RFLNA: variants seen among roughly 807,000 people sequenced by gnomAD.
The protein encoded by RFLNA is refilin A.
A neutral mutation model predicts 7.8 loss-of-function variants in RFLNA; 5 were observed. That is an observed-to-expected ratio of 0.64 (90% confidence interval 0.34 to 1.35). The LOEUF is 1.35. RFLNA is among the 40% of genes most tolerant of loss of function. The pLI, the probability that RFLNA is intolerant of heterozygous loss-of-function variation, is 0.04. For synonymous variants in RFLNA, 141 were observed against 131.3 expected, an observed-to-expected ratio of 1.07 and a Z score of -0.50; for missense variants, 278 against 305.5, an observed-to-expected ratio of 0.91 and a Z score of 0.67.
rs2135678794 is a variant in RFLNA at position 124,300,800 on chromosome 12, ATGGATGGATGGATGGACAGAAGAATGGG to A, written c.207+5209_207+5236del. Among the ~76,000 whole-genome samples the A allele has an allele frequency of 2.0e-5, 3 of 149,928 alleles. 1 individual carries two copies. The highest frequency in any genetic ancestry group is 4.2e-4 in the South Asian group (2 of 4,748). On this transcript the variant is annotated intron_variant, in intron 1 of 2. Transcript: ENST00000546355. ...GACGGATGGATGGATGGATGGATGG[ATGGATGGATGGATGGACAGAAGAATGGG>A]TGGATGGATGGATGGACAGAAGAAT... is the stretch of plus-strand genomic sequence containing the variant.
Position 124,314,569 on chromosome 12 carries a change from TG to T in RFLNA, c.*48del. On this transcript the variant is annotated 3_prime_UTR_variant, in exon 3 of 3. Coordinates refer to ENST00000546355, the MANE Select transcript of RFLNA (RefSeq NM_001365156.1). ...GGGGTGCTGGAGGAGCCGGGAGCCC[TG>T]GGGAGAAGCCGGGAGGATGGACACG... The T allele has an allele frequency of 6.5e-7, 1 of 1,533,916 alleles. No individual in the cohort carries two copies. Among genetic ancestry groups the T allele is most frequent in the South Asian group, 1.2e-5 (1 of 85,316 alleles).
rs1371894879 is a variant in RFLNA, at chr12:124,306,365, T to G, written c.208-5453T>G. Among the ~76,000 whole-genome samples, 1 of 152,026 alleles carries G rather than the reference T, an allele frequency of 6.6e-6. No homozygotes were observed. The highest frequency in any genetic ancestry group is 1.5e-5 in the Non-Finnish European group (1 of 68,004). Reference sequence around the variant, plus strand: ...ACCAGCCCAAGCGAGAAGCAGCCAGTGCAGCAGGGAACAGCGGGAACACCG... The same window carrying G: ...ACCAGCCCAAGCGAGAAGCAGCCAGGGCAGCAGGGAACAGCGGGAACACCG... On this transcript the variant is annotated intron_variant, in intron 1 of 2. Coordinates refer to ENST00000546355, the MANE Select transcript of RFLNA (RefSeq NM_001365156.1). This position sits in a 1 kb window ranked among gnomAD's most constrained non-coding sequence, Gnocchi z 5.2.
chr12:124,308,652 C>T (rs892054037), intron 1 of RFLNA, among the ~76,000 whole-genome samples: 24 of 152,260 alleles, frequency 1.6e-4, no homozygotes, highest in Non-Finnish European at 2.8e-4. Context: ...ACCCCAGGTA[C>T]CTCCATCTCT....
rs2033893314 is a variant in RFLNA at position 124,295,581 on chromosome 12, G to C, written c.152G>C (p.Arg51Pro). 1.4e-5 allele frequency: 17 copies of C among 1,207,168 alleles called. No homozygotes were observed. The highest frequency in any genetic ancestry group is 2.1e-6 in the Non-Finnish European group (2 of 974,356). 74.8% of individuals were successfully genotyped at this position (1,207,168 alleles called of 1,614,324 possible). A position where few individuals can be genotyped will look rare whatever the true frequency, so the allele number is the denominator to read the frequency against. The change falls in exon 1 of 3, where the codon CGC becomes CCC. Residue 51 changes from arginine to proline, a missense_variant. By Grantham distance (103) the Arg-to-Pro change is moderately radical. Coordinates refer to ENST00000546355, the MANE Select transcript of RFLNA (RefSeq NM_001365156.1). ...YSLAPGILDARAGGAGASSEP... is the reference protein window; with the variant it reads ...YSLAPGILDAPAGGAGASSEP... ...CTGGCGCCCGGCATCCTCGACGCGC[G>C]CGCGGGGGGCGCCGGCGCCTCCTCG...
chr12:124,296,176 C>CTT lies in RFLNA; in HGVS notation c.207+541_207+542dup, dbSNP rs1248177040. Among the ~76,000 whole-genome samples, 2 of 4,610 alleles carry CTT rather than the reference C, an allele frequency of 4.3e-4. 1 individual carries two copies. The highest frequency in any genetic ancestry group is 1.2e-3 in the African/African-American group (2 of 1,606). The allele number at this position is 4,610 out of a possible 152,430, so 3.0% of individuals were successfully genotyped here. On this transcript the variant is annotated intron_variant, in intron 1 of 2. Transcript: ENST00000546355. ...CTTCTCTTCTCTTCTCTTCTCTTCT[C>CTT]TTCTCTTCTTTTCTTTTCTTTTCTT...
chr12:124,291,675 A>G (rs141668601), upstream of RFLNA, among the ~76,000 whole-genome samples: 928 of 152,068 alleles, frequency 6.1e-3, 8 homozygotes, highest in African/African-American at 0.022. Context: ...CCTTCCTTCA[A>G]TGCTGCTTGG....
At chr12:124,314,001 C>G (rs1049801921) in intron 2 of RFLNA, among the ~76,000 whole-genome samples, 191 bp from the exon 3 acceptor site, 1 of 152,156 alleles carries the variant, frequency 6.6e-6, no homozygotes, top group African/African-American at 2.4e-5. Flanking sequence ...TGTCTCGCCT[C>G]TTTAGTCTCT....
intron 1 of RFLNA, 34 bp from the exon 2 acceptor site, chr12:124,311,784 C>T: frequency 1.3e-6 from 2 of 1,509,790 alleles, no homozygotes; most frequent in Non-Finnish European, 1.8e-6. Flanking sequence ...CAACAAGGGG[C>T]TGCATAACCC....
intron 2 of RFLNA, among the ~76,000 whole-genome samples, chr12:124,313,369 T>C (rs1401126101): frequency 1.3e-5 from 2 of 152,202 alleles, no homozygotes; most frequent in Non-Finnish European, 2.9e-5. Flanking sequence ...CGTATTTTGA[T>C]ATAATTTCAA....
At position 124,314,480 on chromosome 12, in the gene RFLNA, T is replaced by C; in HGVS notation, c.606T>C (p.Leu202=). The stretch of plus-strand genomic sequence containing the variant: ...TCACCGCCAGCGTGCAGCTGCAGCT[T>C]TGCCAGGACCCTGCCCCCAGCCTCC... ...RWFTASVQLQ[L]CQDPAPSLLG... is the part of the protein sequence containing the mutation. Residue 202 remains leucine (L), a synonymous_variant, in exon 3 of 3, where the codon CTT becomes CTC. Coordinates refer to ENST00000546355, the MANE Select transcript of RFLNA (RefSeq NM_001365156.1). The C allele has an allele frequency of 6.3e-7, 1 of 1,597,518 alleles. No homozygotes were observed. The highest frequency in any genetic ancestry group is 1.1e-5 in the South Asian group (1 of 90,910).
In RFLNA at chr12:124,311,911, C is replaced by T. The variant is rs2135693588; in HGVS notation, c.301C>T (p.Pro101Ser). The T allele has an allele frequency of 6.3e-7, 1 of 1,590,602 alleles. No homozygotes were observed. Among genetic ancestry groups the T allele is most frequent in the Non-Finnish European group, 8.5e-7 (1 of 1,169,654 alleles). ...GGAGAGCATCAAGGTGAACCCGGAACCCACGCATGAGATCCGGTGAGTGGG... is the reference window on the plus strand; with the variant it reads ...GGAGAGCATCAAGGTGAACCCGGAATCCACGCATGAGATCCGGTGAGTGGG... ...FGESIKVNPE[P>S]THEIRCNSEV... is the part of the protein sequence containing the mutation. Residue 101 changes from proline (P) to serine (S), a missense_variant, in exon 2 of 3, where the codon CCC (proline) becomes TCC (serine). Transcript: ENST00000546355.
chr12:124,311,701 C>A, intron 1 of RFLNA, 117 bp from the exon 2 acceptor site: 1 of 990,080 alleles, frequency 1.0e-6, no homozygotes, highest in Non-Finnish European at 1.4e-6. Context: ...CCCCACCAAG[C>A]AGCTTCCAGA....
chr12:124,301,953 G>T lies in RFLNA; in HGVS notation c.207+6317G>T, dbSNP rs549207337. 7.9e-5 allele frequency among the ~76,000 whole-genome samples: 12 copies of T among 152,208 alleles called. No individual in the cohort carries two copies. The South Asian group carries it at 2.5e-3, about 32-fold the overall frequency. On this transcript the variant is annotated intron_variant, in intron 1 of 2. Transcript: ENST00000546355. ...CCAAGAAGTCTGAAATCGAGCTGAC[G>T]GCGGGGGCACGCTCCTCTGGAGGCT...
rs561714807 is a variant in RFLNA, at chr12:124,296,782, C to T, written c.207+1146C>T. Reference sequence around the variant, plus strand: ...AGAATCTTTAAAACCCACCCACACTCACCGCCCAGATAGTCTCACTGAATT... The same window carrying T: ...AGAATCTTTAAAACCCACCCACACTTACCGCCCAGATAGTCTCACTGAATT... On this transcript the variant is annotated intron_variant, in intron 1 of 2. Coordinates refer to ENST00000546355, the MANE Select transcript of RFLNA (RefSeq NM_001365156.1). Among the ~76,000 whole-genome samples, 3 of 152,342 alleles carry T rather than the reference C, an allele frequency of 2.0e-5. No individual in the cohort carries two copies. In the East Asian group the frequency reaches 5.8e-4, roughly 29 times the overall value.
upstream of RFLNA, among the ~76,000 whole-genome samples, chr12:124,293,781 T>C (rs964573442): frequency 3.9e-5 from 6 of 152,314 alleles, no homozygotes; most frequent in South Asian, 8.3e-4. Context: ...GTGTCCGGCA[T>C]GCACCTTACT....
At chr12:124,303,008 C>T (rs1244335841) in intron 1 of RFLNA, among the ~76,000 whole-genome samples, 1 of 152,200 alleles carries the variant, frequency 6.6e-6, no homozygotes, top group Non-Finnish European at 1.5e-5. Context: ...GGTACCTCCT[C>T]CTGCCTCCCA....
upstream of RFLNA, among the ~76,000 whole-genome samples, chr12:124,294,589 C>T (rs554642255): frequency 3.7e-5 from 2 of 53,994 alleles, no homozygotes; most frequent in Non-Finnish European, 3.7e-5. Context: ...AAGTGCTGCT[C>T]ATCGCCCCCG....
rs201006774 is a variant in RFLNA at position 124,309,400 on chromosome 12, CCT to C, written c.208-2415_208-2414del. ...GCAAGCTGCGACGAGGCCAGGAGAG[CCT>C]CTGTTTGCCACCATGGCAGCAGTAC... is the stretch of plus-strand genomic sequence containing the variant. On this transcript the variant is annotated intron_variant, in intron 1 of 2. Coordinates refer to ENST00000546355, the MANE Select transcript of RFLNA (RefSeq NM_001365156.1). 2.7e-3 allele frequency among the ~76,000 whole-genome samples: 405 copies of C among 152,338 alleles called. 4 individuals carry two copies. The highest frequency in any genetic ancestry group is 0.018 in the South Asian group (87 of 4,834).
chr12:124,300,561 AGGAT>A (rs201196603), intron 1 of RFLNA, among the ~76,000 whole-genome samples: 11 of 151,666 alleles, frequency 7.3e-5, no homozygotes, highest in Non-Finnish European at 1.0e-4. Flanking sequence ...GGGGTTGGGA[AGGAT>A]GGATGGATGG....
Sources: gnomAD v4.1 joint callset for allele counts (sites outside exome capture counted in the v4.1 genomes callset) on GRCh38, gnomAD v4.1.1 for gene constraint, Gnocchi (gnomAD v3.1) non-coding constraint, MANE v1.5 for transcripts, NCBI Gene and HGNC (gene_info 2026-07-23, HGNC 2026-07-21) for gene names.